The following PCDHGA3 variants were observed in gnomAD, a reference collection of about 807,000 sequenced individuals.
The protein encoded by PCDHGA3 is protocadherin gamma-A3.
Under a neutral mutation model 58.5 loss-of-function variants are expected in PCDHGA3, and 40 were observed. That is an observed-to-expected ratio of 0.68 (90% CI 0.53 to 0.89). The LOEUF is 0.89. PCDHGA3 is among the 40% of genes least tolerant of loss of function. The pLI, the probability that PCDHGA3 is intolerant of heterozygous loss-of-function variation, is 0.00. For synonymous variants in PCDHGA3, 530 were observed against 525.7 expected, an observed-to-expected ratio of 1.01 and a Z score of -0.11; for missense variants, 1,223 against 1,195.9, an observed-to-expected ratio of 1.02 and a Z score of -0.33.
chr5:141,388,903 A>G (rs910200040), intron 1 of PCDHGA3: 14 of 1,614,010 alleles, frequency 8.7e-6, no homozygotes, highest in Non-Finnish European at 1.2e-5. Flanking sequence ...GATGAAAATG[A>G]CAACGCCCCA....
intron 1 of PCDHGA3, chr5:141,364,717 C>A (rs1763499272): frequency 6.2e-7 from 1 of 1,613,970 alleles, no homozygotes; most frequent in Non-Finnish European, 8.5e-7. Flanking sequence ...TTAATGATAA[C>A]TTCCCGCGTT....
chr5:141,449,165 G>A (rs144669334), intron 1 of PCDHGA3, among the ~76,000 whole-genome samples: 3 of 152,234 alleles, frequency 2.0e-5, no homozygotes, highest in Admixed American at 1.3e-4. Context: ...GGAAATAGGT[G>A]TAATTTTCTT....
At chr5:141,444,358 A>T (rs2098433774) in intron 1 of PCDHGA3, among the ~76,000 whole-genome samples, 1 of 151,436 alleles carries the variant, frequency 6.6e-6, no homozygotes, top group Non-Finnish European at 1.5e-5. Context: ...TTTAGTAGAG[A>T]CGGGGTTTCT....
At position 141,486,778 on chromosome 5, in the gene PCDHGA3, G is replaced by A. The variant is rs750169906; in HGVS notation, c.2425-8029G>A. The A allele has an allele frequency of 1.2e-6, 2 of 1,614,104 alleles. No individual in the cohort carries two copies. Among genetic ancestry groups the A allele is most frequent in the Admixed American group, 1.7e-5 (1 of 60,006 alleles). ...AAACCCAGACACTGCAGTTTGAGGT[G>A]CAGGCCCGGGATCGGGGCAACCCAC... is the stretch of plus-strand genomic sequence containing the variant. On this transcript the variant is annotated intron_variant, in intron 1 of 3. Coordinates refer to ENST00000253812, the MANE Select transcript of PCDHGA3 (RefSeq NM_018916.4). This position sits in a 1 kb window ranked among gnomAD's most constrained non-coding sequence, Gnocchi z 5.0.
intron 3 of PCDHGA3, among the ~76,000 whole-genome samples, chr5:141,509,335 G>C (rs113423267): frequency 6.6e-6 from 1 of 152,144 alleles, no homozygotes; most frequent in African/African-American, 2.4e-5. Context: ...CTGCCAGCTG[G>C]GCCTGGGCTG....
intron 1 of PCDHGA3, among the ~76,000 whole-genome samples, chr5:141,462,771 G>C (rs1295560657): frequency 6.6e-6 from 1 of 152,088 alleles, no homozygotes; most frequent in Non-Finnish European, 1.5e-5. Context: ...CTGGCTTGGG[G>C]TCATAATTTG....
chr5:141,485,986 G>T lies in PCDHGA3; in HGVS notation c.2425-8821G>T, dbSNP rs2099622467. The T allele has an allele frequency of 1.2e-6, 2 of 1,614,084 alleles. No homozygotes were observed. Among genetic ancestry groups the T allele is most frequent in the African/African-American group, 1.3e-5 (1 of 74,936 alleles). On this transcript the variant is annotated intron_variant, in intron 1 of 3. Transcript: ENST00000253812. This position sits in a 1 kb window ranked among gnomAD's most constrained non-coding sequence, Gnocchi z 5.7. ...AGCTCAATGCCTCAGACCCGGACCT[G>T]GGTCCCAGTGGTAACGTCACCTTTT...
intron 1 of PCDHGA3, among the ~76,000 whole-genome samples, chr5:141,433,594 G>A (rs1331681563): frequency 1.3e-5 from 2 of 152,086 alleles, no homozygotes; most frequent in Admixed American, 1.3e-4. Context: ...CCAGTACTTT[G>A]GGAGGCCGAG....
chr5:141,365,561 G>A lies in PCDHGA3; in HGVS notation c.2424+19104G>A. On this transcript the variant is annotated intron_variant, in intron 1 of 3. Coordinates refer to ENST00000253812, the MANE Select transcript of PCDHGA3 (RefSeq NM_018916.4). Reference sequence around the variant, plus strand: ...TCACCTATTAACAACTAGGGACCTGGACAGAGAAGAGACTTCAGATTATAA... The same window carrying A: ...TCACCTATTAACAACTAGGGACCTGAACAGAGAAGAGACTTCAGATTATAA... 2 of 1,613,682 alleles carry A rather than the reference G, an allele frequency of 1.2e-6. No homozygotes were observed. The highest frequency in any genetic ancestry group is 1.7e-6 in the Non-Finnish European group (2 of 1,179,886).
chr5:141,447,864 T>A (rs2098553913), intron 1 of PCDHGA3, among the ~76,000 whole-genome samples: 1 of 152,098 alleles, frequency 6.6e-6, no homozygotes, highest in Non-Finnish European at 1.5e-5. Context: ...GGTGGGTGAA[T>A]CATCTGAGGT....
Position 141,489,195 on chromosome 5 carries a change from A to G in PCDHGA3, c.2425-5612A>G, listed in dbSNP as rs200660227. ...ATTCCAAGCCCTGGGTCTACCTTGG[A>G]GACAGGACAGCACAGACTTACTCTC... is the stretch of plus-strand genomic sequence containing the variant. On this transcript the variant is annotated intron_variant, in intron 1 of 3. Transcript: ENST00000253812. This position sits in a 1 kb window ranked among gnomAD's most constrained non-coding sequence, Gnocchi z 4.5. 1.8e-5 allele frequency: 25 copies of G among 1,383,116 alleles called. No individual in the cohort carries two copies. The East Asian group carries it at 4.8e-4, about 27-fold the overall frequency. 85.7% of individuals were successfully genotyped at this position (1,383,116 alleles called of 1,614,324 possible). A position where few individuals can be genotyped will look rare whatever the true frequency, so the allele number is the denominator to read the frequency against.
chr5:141,415,766 TTTTTTTACTTTC>T, intron 1 of PCDHGA3: 1 of 1,295,032 alleles, frequency 7.7e-7, no homozygotes, highest in Admixed American at 3.5e-5. Flanking sequence ...TTTTTTTTTT[TTTTTTTACTTTC>T]TGGTAAAATT....
At chr5:141,360,064 C>A (rs769109998) in intron 1 of PCDHGA3, 19 of 1,462,446 alleles carry the variant, frequency 1.3e-5, no homozygotes, top group Non-Finnish European at 1.7e-5. Flanking sequence ...GGAAAAGTGA[C>A]CTTAGCCCGG....
chr5:141,366,150 G>T, intron 1 of PCDHGA3: 4 of 1,614,136 alleles, frequency 2.5e-6, no homozygotes, highest in Non-Finnish European at 3.4e-6. Flanking sequence ...CTGTCCTACC[G>T]CCTGCTTAAG....
At chr5:141,372,309 C>A in intron 1 of PCDHGA3, 1 of 1,613,518 alleles carries the variant, frequency 6.2e-7, no homozygotes, top group Non-Finnish European at 8.5e-7. Flanking sequence ...GGAGGCCGCC[C>A]GCCAGCGCCT....
At chr5:141,407,851 C>T (rs2094989102) in intron 1 of PCDHGA3, among the ~76,000 whole-genome samples, 1 of 152,194 alleles carries the variant, frequency 6.6e-6, no homozygotes, top group Non-Finnish European at 1.5e-5. Flanking sequence ...GGGGGATGTA[C>T]ACCTGCATTT....
intron 1 of PCDHGA3, among the ~76,000 whole-genome samples, chr5:141,363,455 C>A (rs1762933034): frequency 6.6e-6 from 1 of 152,226 alleles, no homozygotes; most frequent in Admixed American, 6.5e-5. Flanking sequence ...TACTTCTCGA[C>A]AAGTATCTGC....
chr5:141,477,301 C>T lies in PCDHGA3; in HGVS notation c.2425-17506C>T, dbSNP rs756549446. The T allele has an allele frequency of 6.2e-7, 1 of 1,614,160 alleles. No homozygotes were observed. Among genetic ancestry groups the T allele is most frequent in the East Asian group, 2.2e-5 (1 of 44,872 alleles). Reference sequence around the variant, plus strand: ...TGACCTGCGAAGTTCCACCGGGTCTCCCTTTCAGCCTTACTTCTTCCCTCA... The same window carrying T: ...TGACCTGCGAAGTTCCACCGGGTCTTCCTTTCAGCCTTACTTCTTCCCTCA... On this transcript the variant is annotated intron_variant, in intron 1 of 3. Coordinates refer to ENST00000253812, the MANE Select transcript of PCDHGA3 (RefSeq NM_018916.4). The surrounding 1 kb of genome is among the most constrained non-coding windows in gnomAD (Gnocchi z 4.9).
intron 1 of PCDHGA3, among the ~76,000 whole-genome samples, chr5:141,481,950 T>C (rs1378337886): frequency 2.7e-5 from 4 of 146,216 alleles, no homozygotes; most frequent in Admixed American, 1.4e-4. Flanking sequence ...CCAGATGTGG[T>C]GGCAGGTGCC....
Sources: allele counts gnomAD v4.1 joint callset (sites outside exome capture counted in the v4.1 genomes callset), GRCh38; gene constraint gnomAD v4.1.1; non-coding constraint Gnocchi (gnomAD v3.1); transcripts MANE v1.5; gene names NCBI Gene and HGNC (gene_info 2026-07-23, HGNC 2026-07-21).